BEND6: variants seen among roughly 807,000 people sequenced by gnomAD.
BEND6 encodes the protein BEN domain containing 6.
In BEND6, 24 loss-of-function variants were observed where a neutral mutation model predicts 31.8. The observed-to-expected ratio is 0.75, with a 90% CI of 0.55 to 1.06. The LOEUF is 1.06. BEND6 is among the 50% of genes least tolerant of loss of function. The pLI, the probability that BEND6 is intolerant of heterozygous loss-of-function variation, is 0.00. For synonymous variants in BEND6, 109 were observed against 114.6 expected, an observed-to-expected ratio of 0.95 and a Z score of 0.31; for missense variants, 294 against 327.4, an observed-to-expected ratio of 0.90 and a Z score of 0.79.
At chr6:56,981,092 G>A (rs913178190) in intron 1 of BEND6, among the ~76,000 whole-genome samples, 12 of 152,108 alleles carry the variant, frequency 7.9e-5, no homozygotes, top group African/African-American at 2.9e-4. Flanking sequence ...GGGATTACAG[G>A]TGTGAGCCGT....
chr6:56,980,745 G>A (rs1405617755), intron 1 of BEND6, among the ~76,000 whole-genome samples: 1 of 152,174 alleles, frequency 6.6e-6, no homozygotes, highest in Non-Finnish European at 1.5e-5. Flanking sequence ...TTCTAAAATA[G>A]TGACAATGTA....
chr6:57,017,454 C>T (rs1390835581), intron 5 of BEND6, 55 bp downstream of exon 5: 2 of 1,232,856 alleles, frequency 1.6e-6, no homozygotes, highest in Middle Eastern at 2.1e-4. Context: ...TGTTACCACT[C>T]AAGGTCAAGA....
At chr6:56,956,207 G>A (rs377599137) in intron 1 of BEND6, among the ~76,000 whole-genome samples, 2 of 152,198 alleles carry the variant, frequency 1.3e-5, no homozygotes, top group Admixed American at 6.5e-5. Context: ...CTGCATTTGC[G>A]GAGTTTCTTA....
chr6:57,024,097 G>A (rs112297280), intron 6 of BEND6, among the ~76,000 whole-genome samples: 10 of 152,016 alleles, frequency 6.6e-5, no homozygotes, highest in African/African-American at 1.2e-4. Context: ...TTAGGTCTAC[G>A]GTTTAATTGC....
chr6:56,989,044 A>G (rs1826393406), intron 2 of BEND6, among the ~76,000 whole-genome samples: 1 of 150,248 alleles, frequency 6.7e-6, no homozygotes, highest in Non-Finnish European at 1.5e-5. Flanking sequence ...AAGTAAATAA[A>G]TAAATAAATA....
At chr6:56,998,041 T>A (rs1253072653) in intron 3 of BEND6, among the ~76,000 whole-genome samples, 2 of 152,016 alleles carry the variant, frequency 1.3e-5, no homozygotes, top group African/African-American at 4.8e-5. Flanking sequence ...AATTATATAA[T>A]ATGTTGAATG....
At chr6:56,993,797 A>G (rs974619284) in intron 3 of BEND6, among the ~76,000 whole-genome samples, 3 of 152,166 alleles carry the variant, frequency 2.0e-5, no homozygotes, top group Non-Finnish European at 4.4e-5. Flanking sequence ...TCCTAAGCCT[A>G]AGCAACCCTC....
rs1827503808 is a variant in BEND6 at position 57,015,260 on chromosome 6, T to C, written c.426T>C (p.Asp142=). The change falls in exon 4 of 7, where the codon GAT becomes GAC. Residue 142 remains aspartate, a synonymous_variant. Transcript: ENST00000370746. The stretch of plus-strand genomic sequence containing the variant: ...GAGCAACAAACAACTCCTCGCCAGA[T>C]TCATTTGCCTCAACATGCAGTAATT... ...LWRATNNSSP[D]SFASTCSNSN... 2 of 1,614,176 alleles carry C rather than the reference T, an allele frequency of 1.2e-6. No individual in the cohort carries two copies. The highest frequency in any genetic ancestry group is 2.7e-5 in the African/African-American group (2 of 75,044).
chr6:56,963,069 C>A (rs1242986588), intron 1 of BEND6, among the ~76,000 whole-genome samples: 10 of 152,190 alleles, frequency 6.6e-5, no homozygotes, highest in Admixed American at 3.3e-4. Flanking sequence ...AAAGACCACA[C>A]ACCTAACAAG....
chr6:57,019,424 C>T (rs186900326), intron 6 of BEND6, among the ~76,000 whole-genome samples: 17 of 152,322 alleles, frequency 1.1e-4, no homozygotes, highest in Admixed American at 9.8e-4. Flanking sequence ...CACAGATATT[C>T]CTTTTTTCTT....
intron 1 of BEND6, among the ~76,000 whole-genome samples, chr6:56,966,381 C>T (rs1162256379): frequency 6.6e-6 from 1 of 152,164 alleles, no homozygotes; most frequent in Non-Finnish European, 1.5e-5. Flanking sequence ...GGATTACAGG[C>T]GTGAGCCACT....
At chr6:56,970,888 T>C (rs1178594753) in intron 1 of BEND6, among the ~76,000 whole-genome samples, 1 of 152,218 alleles carries the variant, frequency 6.6e-6, no homozygotes, top group Non-Finnish European at 1.5e-5. Context: ...GAAAGTTTAA[T>C]ATTAATACAA....
chr6:56,989,036 GTAAA>G (rs545806174), intron 2 of BEND6, among the ~76,000 whole-genome samples: 126 of 147,614 alleles, frequency 8.5e-4, no homozygotes, highest in African/African-American at 2.7e-3. Flanking sequence ...ATCTCAAAAA[GTAAA>G]TAAATAAATA....
At chr6:56,967,061 A>G (rs1825507752) in intron 1 of BEND6, among the ~76,000 whole-genome samples, 1 of 126,342 alleles carries the variant, frequency 7.9e-6, no homozygotes, top group African/African-American at 3.0e-5. Context: ...CATTGTCAGT[A>G]TCAGATGTCC....
chr6:56,979,125 A>G (rs1453207720), intron 1 of BEND6, among the ~76,000 whole-genome samples: 3 of 152,206 alleles, frequency 2.0e-5, no homozygotes, highest in Non-Finnish European at 4.4e-5. Flanking sequence ...CAAATACAAG[A>G]CAAATTTCCA....
chr6:57,012,471 A>G (rs1827380317), intron 3 of BEND6, among the ~76,000 whole-genome samples: 3 of 152,184 alleles, frequency 2.0e-5, no homozygotes, highest in South Asian at 4.1e-4. Context: ...GAAATGTTCT[A>G]TATCTTGATT....
intron 1 of BEND6, among the ~76,000 whole-genome samples, chr6:56,967,681 GTC>G: frequency 6.6e-6 from 1 of 152,312 alleles, no homozygotes; most frequent in South Asian, 2.1e-4. Flanking sequence ...CAAGACTCCA[GTC>G]TCTGTGGGAA....
intron 6 of BEND6, among the ~76,000 whole-genome samples, chr6:57,021,730 T>C (rs1437303880): frequency 6.6e-6 from 1 of 152,216 alleles, no homozygotes; most frequent in Non-Finnish European, 1.5e-5. Context: ...CCAAACTGCC[T>C]TCTCCTGAAA....
chr6:56,991,710 C>T (rs1562546819), intron 2 of BEND6, among the ~76,000 whole-genome samples: 3 of 151,958 alleles, frequency 2.0e-5, no homozygotes, highest in African/African-American at 7.3e-5. Flanking sequence ...AATATATATA[C>T]AGAAGAATAC....
Sources: allele counts gnomAD v4.1 joint callset (sites outside exome capture counted in the v4.1 genomes callset), GRCh38; gene constraint gnomAD v4.1.1; transcripts MANE v1.5; gene names NCBI Gene and HGNC (gene_info 2026-07-23, HGNC 2026-07-21).